KCNC1: variants seen among roughly 807,000 people sequenced by gnomAD.
KCNC1 encodes voltage-gated potassium channel KCNC1.
In KCNC1, 8 loss-of-function variants were observed where a neutral mutation model predicts 43.4. The ratio of observed to expected loss-of-function variants is 0.18; its 90% CI spans 0.11 to 0.33. The LOEUF (loss-of-function observed/expected upper bound fraction) is 0.33, where lower values mean the gene tolerates loss of function less well. Among genes scored for constraint, KCNC1 ranks in the 10% least tolerant of loss-of-function variants. The pLI is 1.00. For missense variants in KCNC1, 420 were observed against 836.0 expected (o/e 0.50, Z 6.14); for synonymous variants, 361 against 360.5 (o/e 1.00, Z -0.01).
In KCNC1 at chr11:17,771,630, G is replaced by T. The variant is rs766186382; in HGVS notation, c.571-35G>T. ...AACCCAGGCTTCTCCACTCTGGGTG[G>T]GCCTCCCTCTGACACTGTGTCTTTA... On this transcript the variant is annotated intron_variant, in intron 1 of 3. Coordinates refer to ENST00000265969, the MANE Select transcript of KCNC1 (RefSeq NM_001112741.2). The surrounding 1 kb of genome is among the most constrained non-coding windows in gnomAD (Gnocchi z 4.7). 3.2e-6 allele frequency: 5 copies of T among 1,562,070 alleles called. No individual in the cohort carries two copies. The highest frequency in any genetic ancestry group is 8.7e-7 in the Non-Finnish European group (1 of 1,146,062).
At chr11:17,753,724 G>A (rs539291900) in intron 1 of KCNC1, among the ~76,000 whole-genome samples, 2 of 152,264 alleles carry the variant, frequency 1.3e-5, no homozygotes, top group South Asian at 2.1e-4. Context: ...GGGGCGGGTG[G>A]CAATGGGAGT....
rs1848748425 is a variant in KCNC1, at chr11:17,735,134, G to A, written c.-869G>A. 1 of 152,154 alleles carries A rather than the reference G, an allele frequency of 6.6e-6. No individual in the cohort carries two copies. Among genetic ancestry groups the A allele is most frequent in the South Asian group, 2.1e-4 (1 of 4,828 alleles). 9.4% of individuals were successfully genotyped at this position (152,154 alleles called of 1,614,324 possible). A position where few individuals can be genotyped will look rare whatever the true frequency, so the allele number is the denominator to read the frequency against. The stretch of plus-strand genomic sequence containing the variant: ...AGCTGTCCCTTCAGCACCGCCGCGG[G>A]AGCCCAAGTCCGAGCGCAGCCCAGC... On this transcript the variant is annotated 5_prime_UTR_variant, in exon 1 of 4. Transcript: ENST00000265969. The surrounding 1 kb of genome is among the most constrained non-coding windows in gnomAD (Gnocchi z 6.7).
Position 17,739,673 on chromosome 11 carries a change from CTGTGTGTG to C in KCNC1, c.570+3123_570+3130del, listed in dbSNP as rs10534547. On this transcript the variant is annotated intron_variant, in intron 1 of 3. Coordinates refer to ENST00000265969, the MANE Select transcript of KCNC1 (RefSeq NM_001112741.2). This position sits in a 1 kb window ranked among gnomAD's most constrained non-coding sequence, Gnocchi z 4.2. ...GTATATGTGGAGCTCATGTGTGAGT[CTGTGTGTG>C]TGTGTGTGTGTGTGTGTGTGTACAT... Among the ~76,000 whole-genome samples the C allele has an allele frequency of 9.4e-4, 134 of 143,088 alleles. 1 individual carries two copies. Among genetic ancestry groups the C allele is most frequent in the East Asian group, 1.7e-3 (8 of 4,664 alleles). 93.9% of individuals were successfully genotyped at this position (143,088 alleles called of 152,430 possible).
At chr11:17,741,423 T>C (rs760425173) in intron 1 of KCNC1, among the ~76,000 whole-genome samples, 1 of 152,160 alleles carries the variant, frequency 6.6e-6, no homozygotes, top group African/African-American at 2.4e-5. Flanking sequence ...CTATTATTAC[T>C]ACTGTTGGTT....
At chr11:17,738,844 G>A (rs921188986) in intron 1 of KCNC1, among the ~76,000 whole-genome samples, 1 of 152,184 alleles carries the variant, frequency 6.6e-6, no homozygotes, top group Non-Finnish European at 1.5e-5. Flanking sequence ...GGTGCTAGTG[G>A]GTGCTCCCCT....
At position 17,771,743 on chromosome 11, in the gene KCNC1, C is replaced by A; in HGVS notation, c.649C>A (p.Pro217Thr). The A allele has an allele frequency of 6.2e-7, 1 of 1,614,210 alleles. No individual in the cohort carries two copies. The highest frequency in any genetic ancestry group is 8.5e-7 in the Non-Finnish European group (1 of 1,180,004). Residue 217 changes from proline (P) to threonine (T), a missense_variant, in exon 2 of 4, where the codon CCC (proline) becomes ACC (threonine). Physicochemically the swap from Pro to Thr is conservative, Grantham distance 38 (BLOSUM62 -1). This residue lies in a region of KCNC1 where 151 missense variants were observed against 216.7 expected (regional missense o/e 0.70). Coordinates refer to ENST00000265969, the MANE Select transcript of KCNC1 (RefSeq NM_001112741.2). This position sits in a 1 kb window ranked among gnomAD's most constrained non-coding sequence, Gnocchi z 4.7. Reference protein sequence around the residue: ...FCLETHERFNPIVNKTEIENV... With the variant: ...FCLETHERFNTIVNKTEIENV... ...CCTGGAGACCCACGAGCGCTTCAAC[C>A]CCATCGTGAACAAGACGGAGATCGA...
chr11:17,774,024 C>A (rs572721093), intron 2 of KCNC1: 68 of 985,406 alleles, frequency 6.9e-5, no homozygotes, highest in Non-Finnish European at 4.1e-5. Context: ...CCATCCCAAT[C>A]CTCTTCTGGC....
chr11:17,774,167 A>G (rs532289589), intron 2 of KCNC1: 2 of 985,526 alleles, frequency 2.0e-6, no homozygotes, highest in Admixed American at 6.1e-5. Flanking sequence ...TGAGAGGAAC[A>G]TGGCCAGGGG....
At chr11:17,775,596 A>G in intron 2 of KCNC1, 1 of 985,580 alleles carries the variant, frequency 1.0e-6, no homozygotes, top group Non-Finnish European at 1.2e-6. Context: ...TCCCTCCTGC[A>G]TCTGCAGTCG....
chr11:17,735,861 C>T lies in KCNC1; in HGVS notation c.-142C>T. 2 of 966,638 alleles carry T rather than the reference C, an allele frequency of 2.1e-6. No individual in the cohort carries two copies. Among genetic ancestry groups the T allele is most frequent in the African/African-American group, 1.8e-5 (1 of 57,010 alleles). 59.9% of individuals were successfully genotyped at this position (966,638 alleles called of 1,614,324 possible). A position where few individuals can be genotyped will look rare whatever the true frequency, so the allele number is the denominator to read the frequency against. ...AGGCTTGGCTCGCTCGTTGGGGTGGCCAGAGCCGCAGGCCTCTGTTCCCCC... is the reference window on the plus strand; with the variant it reads ...AGGCTTGGCTCGCTCGTTGGGGTGGTCAGAGCCGCAGGCCTCTGTTCCCCC... On this transcript the variant is annotated 5_prime_UTR_variant, in exon 1 of 4. Transcript: ENST00000265969. The surrounding 1 kb of genome is among the most constrained non-coding windows in gnomAD (Gnocchi z 6.7).
At chr11:17,743,798 A>G (rs769019005) in intron 1 of KCNC1, among the ~76,000 whole-genome samples, 2 of 152,114 alleles carry the variant, frequency 1.3e-5, no homozygotes, top group Non-Finnish European at 2.9e-5. Flanking sequence ...CCCTCACTTC[A>G]GTGTCCTCCC....
intron 2 of KCNC1, chr11:17,774,602 C>T: frequency 1.0e-6 from 1 of 985,580 alleles, no homozygotes; most frequent in South Asian, 4.7e-5. Context: ...AACCCATGCA[C>T]TCCTGTGGGA....
chr11:17,748,568 AC>A (rs1848928760), intron 1 of KCNC1, among the ~76,000 whole-genome samples: 1 of 152,206 alleles, frequency 6.6e-6, no homozygotes, highest in African/African-American at 2.4e-5. Context: ...TGCCCATTTA[AC>A]AAACAAGCAC....
At chr11:17,746,507 C>G (rs1254056802) in intron 1 of KCNC1, among the ~76,000 whole-genome samples, 1 of 152,156 alleles carries the variant, frequency 6.6e-6, no homozygotes, top group East Asian at 1.9e-4. Flanking sequence ...TTTCCTACCT[C>G]TCCTTCCCCA....
chr11:17,774,820 C>G (rs1248833417), intron 2 of KCNC1: 2 of 985,398 alleles, frequency 2.0e-6, no homozygotes, highest in African/African-American at 3.5e-5. Context: ...CCAAGCCCTT[C>G]CCAAGCACTC....
rs779637268 is a variant in KCNC1, at chr11:17,736,356, T to C, written c.354T>C (p.Ala118=). ...TYRQHRDAEE[A]LDSFGGAPLD... is the part of the protein sequence containing the mutation. ...GCCAGCACCGCGACGCCGAGGAGGC[T>C]CTGGACAGCTTCGGCGGCGCTCCTC... Residue 118 remains alanine, a synonymous_variant, in exon 1 of 4, where the codon GCT becomes GCC. Coordinates refer to ENST00000265969, the MANE Select transcript of KCNC1 (RefSeq NM_001112741.2). The surrounding 1 kb of genome is among the most constrained non-coding windows in gnomAD (Gnocchi z 9.3). 5 of 1,612,748 alleles carry C rather than the reference T, an allele frequency of 3.1e-6. No individual in the cohort carries two copies. Among genetic ancestry groups the C allele is most frequent in the South Asian group, 2.2e-5 (2 of 91,032 alleles).
intron 2 of KCNC1, chr11:17,774,957 G>A (rs1186280428): frequency 2.0e-5 from 20 of 985,346 alleles, no homozygotes; most frequent in Admixed American, 1.2e-4. Context: ...ACCAAGAGGA[G>A]TTGCGGTCTT....
intron 1 of KCNC1, among the ~76,000 whole-genome samples, chr11:17,769,122 C>A (rs568302985): frequency 6.6e-6 from 1 of 152,368 alleles, no homozygotes; most frequent in East Asian, 1.9e-4. Context: ...TTACTCTGAC[C>A]TTTTTCCAGC....
Position 17,776,462 on chromosome 11 carries a change from C to T in KCNC1, c.1505-2994C>T. ...AAGTACTTTGGCGGTGCCTGGAGAC[C>T]AGGGCAGAAAAGCCAGCTGTGCTGA... On this transcript the variant is annotated intron_variant, in intron 2 of 3. Transcript: ENST00000265969. This position sits in a 1 kb window ranked among gnomAD's most constrained non-coding sequence, Gnocchi z 4.4. The T allele has an allele frequency of 1.0e-6, 1 of 985,446 alleles. No individual in the cohort carries two copies. The highest frequency in any genetic ancestry group is 1.2e-6 in the Non-Finnish European group (1 of 829,932). The allele number at this position is 985,446 out of a possible 1,614,324, so 61.0% of individuals were successfully genotyped here. A position where few individuals can be genotyped will look rare whatever the true frequency, so the allele number is the denominator to read the frequency against.
Sources: gnomAD v4.1 joint callset for allele counts (sites outside exome capture counted in the v4.1 genomes callset) on GRCh38, gnomAD v4.1.1 for gene constraint, gnomAD v4.1.1 regional missense constraint, Gnocchi (gnomAD v3.1) non-coding constraint, MANE v1.5 for transcripts, NCBI Gene and HGNC (gene_info 2026-07-23, HGNC 2026-07-21) for gene names.